Variants in RTN4 observed in about 807,000 individuals in gnomAD.
RTN4 encodes the protein reticulon 4, also known as reticulon-4.
RTN4 carries 32 observed loss-of-function variants against 90.4 expected under a neutral mutation model. The ratio of observed to expected loss-of-function variants is 0.35; its 90% CI spans 0.27 to 0.48. The LOEUF is 0.48. Ranked by LOEUF, RTN4 falls within the 20% of genes least tolerant of loss-of-function variation. RTN4 has a pLI of 0.99. For synonymous variants in RTN4, 629 were observed against 552.5 expected, an observed-to-expected ratio of 1.14 and a Z score of -1.94; for missense variants, 1,706 against 1,430.2, an observed-to-expected ratio of 1.19 and a Z score of -3.11.
intron 2 of RTN4, among the ~76,000 whole-genome samples, chr2:55,062,807 A>T (rs1365968298): frequency 6.6e-6 from 1 of 152,220 alleles, no homozygotes; most frequent in Non-Finnish European, 1.5e-5. Flanking sequence ...TGGTCATTTT[A>T]ACATCAATTG....
chr2:55,047,946 G>T (rs1667856075), intron 1 of RTN4, among the ~76,000 whole-genome samples: 1 of 152,262 alleles, frequency 6.6e-6, no homozygotes, highest in Non-Finnish European at 1.5e-5. Flanking sequence ...GGGGGAACAG[G>T]ATCTGAGAAA....
intron 1 of RTN4, among the ~76,000 whole-genome samples, chr2:55,101,902 AC>A (rs1423245873): frequency 6.6e-6 from 1 of 152,120 alleles, no homozygotes; most frequent in Non-Finnish European, 1.5e-5. Context: ...ATCATCACAC[AC>A]TGTAGGATAT....
chr2:55,075,617 G>C (rs1668586161), intron 2 of RTN4, among the ~76,000 whole-genome samples: 2 of 152,014 alleles, frequency 1.3e-5, no homozygotes, highest in Non-Finnish European at 2.9e-5. Context: ...AACCAAAAAA[G>C]AGCTCATATA....
At chr2:54,999,016 G>A (rs181511385) in intron 3 of RTN4, among the ~76,000 whole-genome samples, 1 of 152,116 alleles carries the variant, frequency 6.6e-6, no homozygotes, top group African/African-American at 2.4e-5. Flanking sequence ...GATCTGAGAT[G>A]AATTTAGCAG....
intron 5 of RTN4, among the ~76,000 whole-genome samples, chr2:54,975,319 G>A (rs7570298): frequency 0.18 from 27,791 of 152,154 alleles, 4,897 homozygotes; most frequent in African/African-American, 0.46. Flanking sequence ...GTCATCATCA[G>A]TTCCTTTGCT....
At chr2:55,024,760 C>T (rs1019685734) in intron 3 of RTN4, among the ~76,000 whole-genome samples, 2 of 151,980 alleles carry the variant, frequency 1.3e-5, no homozygotes, top group African/African-American at 4.8e-5. Flanking sequence ...ATCTCTTGCT[C>T]TTCATGTTAT....
intron 7 of RTN4, 83 bp downstream of exon 7, chr2:54,973,738 A>G: frequency 2.0e-6 from 3 of 1,510,538 alleles, no homozygotes; most frequent in Non-Finnish European, 2.8e-6. Context: ...TAAGACATTG[A>G]AAATGGGCAC....
At chr2:55,035,725 G>A (rs931960625) in intron 1 of RTN4, among the ~76,000 whole-genome samples, 3 of 152,062 alleles carry the variant, frequency 2.0e-5, no homozygotes, top group Non-Finnish European at 2.9e-5. Flanking sequence ...GAGACAGAGA[G>A]AGGAAGCAAG....
At chr2:54,985,298 T>G (rs892375149) in intron 4 of RTN4, among the ~76,000 whole-genome samples, 1 of 151,450 alleles carries the variant, frequency 6.6e-6, no homozygotes, top group South Asian at 2.1e-4. Context: ...TAGCTGGGAC[T>G]ACTGGCATGC....
chr2:55,020,692 C>T (rs1440829602), intron 3 of RTN4, among the ~76,000 whole-genome samples: 1 of 152,168 alleles, frequency 6.6e-6, no homozygotes, highest in Admixed American at 6.6e-5. Context: ...AAACTGATTT[C>T]TGCCTACAAA....
chr2:54,995,511 G>A (rs571902640), intron 3 of RTN4, among the ~76,000 whole-genome samples: 1 of 152,222 alleles, frequency 6.6e-6, no homozygotes, highest in South Asian at 2.1e-4. Flanking sequence ...ATCATTTATT[G>A]TTGTGCATTT....
chr2:55,125,685 G>A, the RTN4 span, among the ~76,000 whole-genome samples: 2 of 152,172 alleles, frequency 1.3e-5, no homozygotes, highest in East Asian at 3.9e-4. Context: ...AGAATCGTTT[G>A]AACTCAGGAG....
chr2:54,980,229 C>G (rs895698498), intron 5 of RTN4, among the ~76,000 whole-genome samples: 3 of 152,114 alleles, frequency 2.0e-5, no homozygotes, highest in Admixed American at 6.5e-5. Context: ...TTTCTCAAAA[C>G]TTTTTTTAAA....
chr2:55,007,641 T>A (rs1680326386), intron 3 of RTN4, among the ~76,000 whole-genome samples: 1 of 152,102 alleles, frequency 6.6e-6, no homozygotes, highest in Admixed American at 6.6e-5. Flanking sequence ...CAATATGAAT[T>A]ACACCAGGAT....
At chr2:54,977,142 T>A (rs1677701701) in intron 5 of RTN4, among the ~76,000 whole-genome samples, 1 of 152,204 alleles carries the variant, frequency 6.6e-6, no homozygotes, top group Non-Finnish European at 1.5e-5. Flanking sequence ...TCTCAGAAAT[T>A]ACTCTGGCAG....
chr2:54,974,709 G>C lies in RTN4; in HGVS notation c.3416C>G (p.Thr1139Arg), dbSNP rs537688026. 10 of 1,613,618 alleles carry C rather than the reference G, an allele frequency of 6.2e-6. No individual in the cohort carries two copies. The highest frequency in any genetic ancestry group is 1.1e-5 in the South Asian group (1 of 91,072). Reference protein sequence around the residue: ...TYVGALFNGLTLLILALISLF... With the variant: ...TYVGALFNGLRLLILALISLF... ...TGTAGACTTACCCAAAATCAGTAGTGTCAGACCATTAAACAAGGCACCAAC... is the reference window on the plus strand; with the variant it reads ...TGTAGACTTACCCAAAATCAGTAGTCTCAGACCATTAAACAAGGCACCAAC... Residue 1139 changes from threonine to arginine, a missense_variant, in exon 6 of 9, where the codon ACA becomes AGA. By Grantham distance (71) the Thr-to-Arg change is moderately conservative. Transcript: ENST00000337526.
In RTN4 at chr2:55,009,275, T is replaced by G. The variant is rs139309843; in HGVS notation, c.3013+15811A>C. Among the ~76,000 whole-genome samples, 381 of 152,276 alleles carry G rather than the reference T, an allele frequency of 2.5e-3. 1 individual carries two copies. Among genetic ancestry groups the G allele is most frequent in the Middle Eastern group, 6.8e-3 (2 of 294 alleles). The stretch of plus-strand genomic sequence containing the variant: ...AAAAATAGCTCTAATAATTTAAAGG[T>G]AATTTATTATAAGTGGTCAGATATA... On this transcript the variant is annotated intron_variant, in intron 3 of 8. Coordinates refer to ENST00000337526, the MANE Select transcript of RTN4 (RefSeq NM_020532.5).
chr2:55,074,403 T>C (rs1017234125), intron 2 of RTN4, among the ~76,000 whole-genome samples: 1 of 150,840 alleles, frequency 6.6e-6, no homozygotes, highest in Non-Finnish European at 1.5e-5. Context: ...CTTAGGAAAC[T>C]GAGGCAGGAG....
upstream of RTN4, among the ~76,000 whole-genome samples, chr2:55,114,816 T>G (rs2968781): frequency 0.88 from 134,049 of 152,170 alleles, 59,081 homozygotes; most frequent in African/African-American, 0.89. Flanking sequence ...TGGGTGCAAA[T>G]GCTCACGGGT....
Sources: gnomAD v4.1 joint callset for allele counts (sites outside exome capture counted in the v4.1 genomes callset) on GRCh38, gnomAD v4.1.1 for gene constraint, MANE v1.5 for transcripts, NCBI Gene and HGNC (gene_info 2026-07-23, HGNC 2026-07-21) for gene names.